Variants in RNF125 observed in about 807,000 individuals in gnomAD.
The protein encoded by RNF125 is E3 ubiquitin-protein ligase RNF125.
Under a neutral mutation model 26.0 loss-of-function variants are expected in RNF125, and 21 were observed. The ratio of observed to expected loss-of-function variants is 0.81; its 90% CI spans 0.57 to 1.16. The LOEUF is 1.16. Ranked by LOEUF, RNF125 falls within the 50% of genes most tolerant of loss-of-function variation. RNF125 has a pLI of 0.00. For missense variants in RNF125, 270 were observed against 299.4 expected, an observed-to-expected ratio of 0.90 and a Z score of 0.72; for synonymous variants, 95 against 109.2, an observed-to-expected ratio of 0.87 and a Z score of 0.81.
At chr18:32,083,182 A>C in the RNF125 span, among the ~76,000 whole-genome samples, 1 of 152,342 alleles carries the variant, frequency 6.6e-6, no homozygotes, top group Non-Finnish European at 1.5e-5. Context: ...ATTGTGGTAC[A>C]TAACAGGTGG....
chr18:32,019,069 G>C lies in RNF125; in HGVS notation c.164+42G>C, dbSNP rs749414551. ...CTCGGTTTGCGCCCACCCCTAAGGAGGGCGATGTGGGGAAGCTGAGGGCAT... is the reference window on the plus strand; with the variant it reads ...CTCGGTTTGCGCCCACCCCTAAGGACGGCGATGTGGGGAAGCTGAGGGCAT... On this transcript the variant is annotated intron_variant, in intron 1 of 5. Coordinates refer to ENST00000217740, the MANE Select transcript of RNF125 (RefSeq NM_017831.4). The C allele has an allele frequency of 3.1e-6, 5 of 1,597,678 alleles. No homozygotes were observed. In the East Asian group the frequency reaches 6.9e-5, roughly 22 times the overall value.
chr18:32,067,474 A>C (rs1258180737), intron 5 of RNF125, among the ~76,000 whole-genome samples: 1 of 152,112 alleles, frequency 6.6e-6, no homozygotes, highest in Non-Finnish European at 1.5e-5. Flanking sequence ...CTTTGTTTTG[A>C]TTTTTTGCTT....
chr18:32,034,638 CA>C (rs2039134197), intron 1 of RNF125, among the ~76,000 whole-genome samples: 1 of 152,090 alleles, frequency 6.6e-6, no homozygotes, highest in Non-Finnish European at 1.5e-5. Flanking sequence ...ACTGGCCGGG[CA>C]CAGTGGCTCA....
intron 1 of RNF125, 32 bp downstream of exon 1, chr18:32,019,059 C>A (rs781588550): frequency 6.2e-7 from 1 of 1,605,142 alleles, no homozygotes; most frequent in Non-Finnish European, 8.5e-7. Flanking sequence ...TTTGCGCCCA[C>A]CCCTAAGGAG....
intron 1 of RNF125, among the ~76,000 whole-genome samples, chr18:32,036,296 T>G (rs1271565383): frequency 6.6e-6 from 1 of 152,016 alleles, no homozygotes; most frequent in Non-Finnish European, 1.5e-5. Flanking sequence ...CTTTCCAGTA[T>G]GTACAGTATA....
At chr18:32,062,908 G>T (rs537716130) in intron 4 of RNF125, among the ~76,000 whole-genome samples, 27 of 152,144 alleles carry the variant, frequency 1.8e-4, no homozygotes, top group Admixed American at 3.9e-4. Context: ...TAATAAGTCT[G>T]CATCTCATAC....
rs370848046 is a variant in RNF125 at position 32,037,702 on chromosome 18, T to C, written c.318+433T>C. Among the ~76,000 whole-genome samples the C allele has an allele frequency of 2.1e-4, 32 of 152,194 alleles. 1 individual carries two copies. The East Asian group carries it at 4.6e-3, about 22-fold the overall frequency. On this transcript the variant is annotated intron_variant, in intron 2 of 5. Transcript: ENST00000217740. ...TGGGGACTTGGGAAACCTTCCTGTC[T>C]TACAAGAGGATTGTAAAACACACCA...
intron 3 of RNF125, among the ~76,000 whole-genome samples, chr18:32,044,563 T>TA (rs1382929683): frequency 6.6e-6 from 1 of 151,612 alleles, no homozygotes; most frequent in East Asian, 2.0e-4. Context: ...TTTTTTGAGA[T>TA]AGAGTTTCAC....
At chr18:32,080,696 A>G in the RNF125 span, among the ~76,000 whole-genome samples, 7 of 151,946 alleles carry the variant, frequency 4.6e-5, no homozygotes, top group Non-Finnish European at 7.4e-5. Flanking sequence ...TGTCTTATAC[A>G]CTTAAAAGTC....
chr18:32,019,059 C>T, intron 1 of RNF125, 32 bp downstream of exon 1: 1 of 1,605,258 alleles, frequency 6.2e-7, no homozygotes, highest in Non-Finnish European at 8.5e-7. Context: ...TTTGCGCCCA[C>T]CCCTAAGGAG....
At chr18:32,029,434 G>A (rs1419304577) in intron 1 of RNF125, among the ~76,000 whole-genome samples, 3 of 150,582 alleles carry the variant, frequency 2.0e-5, no homozygotes, top group East Asian at 3.9e-4. Flanking sequence ...GACCAGCCTG[G>A]GCAACAAAGT....
chr18:32,025,089 C>T (rs964518260), intron 1 of RNF125, among the ~76,000 whole-genome samples: 16 of 151,796 alleles, frequency 1.1e-4, no homozygotes, highest in African/African-American at 7.3e-5. Flanking sequence ...AACAAAAAAA[C>T]CTAGCTTGAT....
chr18:32,055,411 C>T (rs147958402), intron 4 of RNF125, among the ~76,000 whole-genome samples: 187 of 152,160 alleles, frequency 1.2e-3, no homozygotes, highest in African/African-American at 3.7e-3. Context: ...CTGCCCAAGA[C>T]TGGGTAATTT....
At chr18:32,059,741 A>G (rs1213482014) in intron 4 of RNF125, among the ~76,000 whole-genome samples, 2 of 152,068 alleles carry the variant, frequency 1.3e-5, no homozygotes, top group Non-Finnish European at 2.9e-5. Context: ...TAGTAGTTTC[A>G]TAGTTTGAGG....
In RNF125 at chr18:32,069,794, G is replaced by T. The variant is rs1036576350; in HGVS notation, c.*1410G>T. On this transcript the variant is annotated 3_prime_UTR_variant, in exon 6 of 6. Coordinates refer to ENST00000217740, the MANE Select transcript of RNF125 (RefSeq NM_017831.4). The stretch of plus-strand genomic sequence containing the variant: ...ATCTAGAAGTTCCTCCTTCTTTCCA[G>T]TTCCTTAAAATTTACCTGGTGAAGA... 6.6e-6 allele frequency: 1 copy of T among 151,826 alleles called. No individual in the cohort carries two copies. Among genetic ancestry groups the T allele is most frequent in the African/African-American group, 2.4e-5 (1 of 41,292 alleles). The allele number at this position is 151,826 out of a possible 1,614,324, so 9.4% of individuals were successfully genotyped here.
Position 32,065,996 on chromosome 18 carries a change from A to G in RNF125, c.599A>G (p.Tyr200Cys). Residue 200 changes from tyrosine (Y) to cysteine (C), a missense_variant, in exon 5 of 6, where the codon TAT (tyrosine) becomes TGT (cysteine). Coordinates refer to ENST00000217740, the MANE Select transcript of RNF125 (RefSeq NM_017831.4). ...CTGCAAGTTAGTCACACTTTGTTTT[A>G]TGATGATTTCATAGTAAGTATATTT... ...RHLQVSHTLF[Y>C]DDFIDFNIIE... 1.3e-6 allele frequency: 2 copies of G among 1,590,774 alleles called. No homozygotes were observed. Among genetic ancestry groups the G allele is most frequent in the East Asian group, 2.2e-5 (1 of 44,756 alleles).
At chr18:32,044,228 A>T (rs1476349891) in intron 3 of RNF125, among the ~76,000 whole-genome samples, 1 of 152,020 alleles carries the variant, frequency 6.6e-6, no homozygotes. Flanking sequence ...GCTGGTCTTG[A>T]ACTCCTGACC....
At chr18:32,027,585 AGAG>A (rs1448550523) in intron 1 of RNF125, among the ~76,000 whole-genome samples, 7 of 152,282 alleles carry the variant, frequency 4.6e-5, no homozygotes, top group East Asian at 3.9e-4. Flanking sequence ...CAGAGATCGG[AGAG>A]GAGAACTGAC....
intron 4 of RNF125, among the ~76,000 whole-genome samples, chr18:32,060,806 A>G (rs1033658333): frequency 6.6e-6 from 1 of 152,176 alleles, no homozygotes. Context: ...GTTTTGACAG[A>G]TGTGTCTTTA....
Sources: allele counts gnomAD v4.1 joint callset (sites outside exome capture counted in the v4.1 genomes callset), GRCh38; gene constraint gnomAD v4.1.1; transcripts MANE v1.5; gene names NCBI Gene and HGNC (gene_info 2026-07-23, HGNC 2026-07-21).